The following CBFA2T2 variants were observed in gnomAD, a reference collection of about 807,000 sequenced individuals.
The protein encoded by CBFA2T2 is protein CBFA2T2.
A neutral mutation model predicts 62.2 loss-of-function variants in CBFA2T2; 11 were observed. That is an observed-to-expected ratio of 0.18 (90% CI 0.11 to 0.29). The LOEUF (loss-of-function observed/expected upper bound fraction) is 0.29. Ranked by LOEUF, CBFA2T2 falls within the 10% of genes least tolerant of loss-of-function variation. The probability of loss-of-function intolerance (pLI) is 1.00; values close to 1 mark genes in which losing one functional copy is unlikely to be tolerated. For synonymous variants in CBFA2T2, 295 were observed against 287.5 expected (o/e 1.03, Z -0.27); for missense variants, 592 against 774.1 (o/e 0.76, Z 2.79).
intron 8 of CBFA2T2, among the ~76,000 whole-genome samples, chr20:33,634,530 A>G (rs2016560835): frequency 6.6e-6 from 1 of 151,878 alleles, no homozygotes; most frequent in African/African-American, 2.4e-5. Context: ...AAATTAGCTG[A>G]TTGTGGTGGT....
intron 4 of CBFA2T2, among the ~76,000 whole-genome samples, chr20:33,621,019 C>T (rs141329695): frequency 1.4e-3 from 217 of 152,260 alleles, no homozygotes; most frequent in African/African-American, 5.0e-3. Flanking sequence ...CTCAGGATCA[C>T]CCATTGCATT....
At chr20:33,574,683 C>G (rs10485502) in intron 1 of CBFA2T2, among the ~76,000 whole-genome samples, 17,583 of 152,138 alleles carry the variant, frequency 0.12, 2,787 homozygotes, top group African/African-American at 0.34. Flanking sequence ...GCAGGGAAGC[C>G]TGACTTCATT....
At chr20:33,590,632 G>C (rs1261573647) in intron 1 of CBFA2T2, among the ~76,000 whole-genome samples, 1 of 152,018 alleles carries the variant, frequency 6.6e-6, no homozygotes, top group African/African-American at 2.4e-5. Flanking sequence ...TAAAGCCCTG[G>C]GTGCTAGAAG....
In CBFA2T2 at chr20:33,518,820, TTC is replaced by T. The variant is rs1259026536; in HGVS notation, c.34+28521_34+28522del. On this transcript the variant is annotated intron_variant, in intron 1 of 10. Transcript: ENST00000342704. ...TTATCTGTGTCTTGGTTTTCTTTTT[TTC>T]TTTCTCTTCTTTTTTTTGAGACGGA... Among the ~76,000 whole-genome samples, 8 of 152,162 alleles carry T rather than the reference TTC, an allele frequency of 5.3e-5. No homozygotes were observed. In the East Asian group the frequency reaches 1.4e-3, roughly 26 times the overall value.
rs151286642 is a variant in CBFA2T2 at position 33,611,767 on chromosome 20, G to A, written c.420+432G>A. On this transcript the variant is annotated intron_variant, in intron 3 of 10. Transcript: ENST00000342704. ...TAGCCTCAAGCAGTCTGCCTGTCTC[G>A]GCTTCCCAAAGTGCTGGGATTATAA... Among the ~76,000 whole-genome samples the A allele has an allele frequency of 5.1e-4, 77 of 152,088 alleles. No individual in the cohort carries two copies. In the Middle Eastern group the frequency reaches 0.017, roughly 34 times the overall value.
intron 1 of CBFA2T2, among the ~76,000 whole-genome samples, chr20:33,555,517 A>T (rs2012872311): frequency 6.6e-6 from 1 of 151,868 alleles, no homozygotes; most frequent in Non-Finnish European, 1.5e-5. Flanking sequence ...TTTACATTTT[A>T]CTCCAATTGC....
At chr20:33,564,915 T>C (rs746771802) in intron 1 of CBFA2T2, among the ~76,000 whole-genome samples, 26 of 151,736 alleles carry the variant, frequency 1.7e-4, no homozygotes, top group Non-Finnish European at 2.7e-4. Context: ...TTCCCAAGTT[T>C]TCTTTTCTTT....
chr20:33,501,630 C>CTTTTTT (rs869281966), intron 1 of CBFA2T2, among the ~76,000 whole-genome samples: 2,045 of 63,258 alleles, frequency 0.032, 661 homozygotes, highest in East Asian at 0.063. Context: ...CTTAGCCTTC[C>CTTTTTT]TTTTTTTTTT....
chr20:33,629,398 C>T (rs1300763819), intron 7 of CBFA2T2, among the ~76,000 whole-genome samples: 1 of 152,196 alleles, frequency 6.6e-6, no homozygotes. Context: ...ATTTACAGTG[C>T]TGCAGACCCT....
intron 8 of CBFA2T2, among the ~76,000 whole-genome samples, chr20:33,636,315 A>AG (rs1046069761): frequency 3.3e-5 from 5 of 151,726 alleles, no homozygotes; most frequent in African/African-American, 7.2e-5. Flanking sequence ...TTTATATTTT[A>AG]GGGGGTACTG....
chr20:33,549,866 T>C (rs1474888317), intron 1 of CBFA2T2, among the ~76,000 whole-genome samples: 1 of 151,034 alleles, frequency 6.6e-6, no homozygotes, highest in Non-Finnish European at 1.5e-5. Flanking sequence ...TGCTGCTTTT[T>C]TTTTTTTTTT....
chr20:33,644,522 G>T lies in CBFA2T2; in HGVS notation c.1664G>T (p.Arg555Met). The T allele has an allele frequency of 6.2e-7, 1 of 1,614,074 alleles. No individual in the cohort carries two copies. The highest frequency in any genetic ancestry group is 8.5e-7 in the Non-Finnish European group (1 of 1,180,030). The part of the protein sequence containing the change: ...GQGRPLLPVG[R>M]GSSARSADCS... The stretch of plus-strand genomic sequence containing the variant: ...GGCCGGCCGCTGCTTCCTGTAGGCA[G>T]GGGCTCCTCTGCCAGGTCCGCCGAC... Residue 555 changes from arginine (R) to methionine (M), a missense_variant, in exon 11 of 11, where the codon AGG (arginine) becomes ATG (methionine). Around this residue, in one of 3 missense-constraint regions of CBFA2T2, gnomAD observed 85 missense variants for 99.0 expected, o/e 0.86. Coordinates refer to ENST00000342704, the MANE Select transcript of CBFA2T2 (RefSeq NM_001032999.3).
chr20:33,532,977 A>G (rs1205255687), intron 1 of CBFA2T2, among the ~76,000 whole-genome samples: 2 of 152,148 alleles, frequency 1.3e-5, no homozygotes, highest in Admixed American at 1.3e-4. Flanking sequence ...CTGTCATCTC[A>G]TACACAGCTG....
chr20:33,628,125 G>A (rs1453011380), intron 6 of CBFA2T2, among the ~76,000 whole-genome samples: 2 of 151,818 alleles, frequency 1.3e-5, no homozygotes, highest in Non-Finnish European at 2.9e-5. Context: ...TTTTCTTTAG[G>A]GCTATTTCGT....
At chr20:33,611,000 C>A in intron 2 of CBFA2T2, 94 bp from the exon 3 acceptor site, 3 of 1,507,928 alleles carry the variant, frequency 2.0e-6, no homozygotes, top group Non-Finnish European at 2.7e-6. Flanking sequence ...TTACAAAATT[C>A]AAATGAACAA....
At chr20:33,643,825 A>C in intron 10 of CBFA2T2, among the ~76,000 whole-genome samples, 1 of 73,366 alleles carries the variant, frequency 1.4e-5, no homozygotes, top group African/African-American at 5.9e-5. Flanking sequence ...ATAGTATATA[A>C]TGTGTGTGTG....
rs891596845 is a variant in CBFA2T2, at chr20:33,640,545, G to C, written c.1488+14G>C. 2 of 1,613,078 alleles carry C rather than the reference G, an allele frequency of 1.2e-6. No individual in the cohort carries two copies. Among genetic ancestry groups the C allele is most frequent in the South Asian group, 1.1e-5 (1 of 91,010 alleles). ...GAGTCCACGGAGGTCAGAGCTCTGC[G>C]CCCTGGGGGCTGGGGTGAGCAGCTG... On this transcript the variant is annotated intron_variant, in intron 10 of 10. Transcript: ENST00000342704.
At chr20:33,568,286 A>G (rs527646930) in intron 1 of CBFA2T2, among the ~76,000 whole-genome samples, 1 of 152,338 alleles carries the variant, frequency 6.6e-6, no homozygotes, top group East Asian at 1.9e-4. Flanking sequence ...TGAAGTCACA[A>G]TAACTAAAAG....
chr20:33,610,370 A>G (rs1019023168), intron 2 of CBFA2T2, among the ~76,000 whole-genome samples: 4 of 152,222 alleles, frequency 2.6e-5, no homozygotes, highest in Admixed American at 2.0e-4. Flanking sequence ...TTTTCAAGAA[A>G]TGACTATTAA....
Sources: gnomAD v4.1 joint callset for allele counts (sites outside exome capture counted in the v4.1 genomes callset) on GRCh38, gnomAD v4.1.1 for gene constraint, gnomAD v4.1.1 regional missense constraint, MANE v1.5 for transcripts, NCBI Gene and HGNC (gene_info 2026-07-23, HGNC 2026-07-21) for gene names.